The following DLGAP1 variants were observed in gnomAD, a reference collection of about 807,000 sequenced individuals.
DLGAP1 encodes disks large-associated protein 1.
A neutral mutation model predicts 90.8 loss-of-function variants in DLGAP1; 11 were observed. The observed-to-expected ratio is 0.12, with a 90% CI of 0.08 to 0.20. The LOEUF (loss-of-function observed/expected upper bound fraction) is 0.20. Among genes scored for constraint, DLGAP1 ranks in the 10% least tolerant of loss-of-function variants. The pLI is 1.00. For synonymous variants in DLGAP1, 558 were observed against 540.7 expected, an observed-to-expected ratio of 1.03 and a Z score of -0.44; for missense variants, 1,050 against 1,333.8, an observed-to-expected ratio of 0.79 and a Z score of 3.31.
At chr18:3,669,749 A>G (rs1200717501) in intron 7 of DLGAP1, among the ~76,000 whole-genome samples, 1 of 152,156 alleles carries the variant, frequency 6.6e-6, no homozygotes, top group African/African-American at 2.4e-5. Flanking sequence ...CTCATTATCC[A>G]AGCCCCCATG....
chr18:3,926,214 C>T (rs1049927317), intron 3 of DLGAP1, among the ~76,000 whole-genome samples: 4 of 152,132 alleles, frequency 2.6e-5, no homozygotes, highest in Non-Finnish European at 5.9e-5. Context: ...AGAAAATTCT[C>T]AGTTGTGGAG....
chr18:4,236,877 T>C (rs1306765028), intron 1 of DLGAP1, among the ~76,000 whole-genome samples: 1 of 152,208 alleles, frequency 6.6e-6, no homozygotes, highest in Non-Finnish European at 1.5e-5. Context: ...CAAACATTTA[T>C]TGAGCAGTTA....
At chr18:3,920,020 A>G (rs2072231148) in intron 3 of DLGAP1, among the ~76,000 whole-genome samples, 1 of 152,178 alleles carries the variant, frequency 6.6e-6, no homozygotes, top group Admixed American at 6.5e-5. Flanking sequence ...TTTCCACATC[A>G]AACACCTTGA....
chr18:3,977,540 TG>T lies in DLGAP1; in HGVS notation c.-73+27575del, dbSNP rs566952648. The stretch of plus-strand genomic sequence containing the variant: ...CTCTTCAGGGGGTCTGCATGGAAAC[TG>T]TGAGGAGGGGAGAGTCTCAGTGTTG... On this transcript the variant is annotated intron_variant, in intron 3 of 12. Transcript: ENST00000315677. The T allele has an allele frequency of 1.6e-3, 256 of 161,296 alleles. 1 individual carries two copies. In the Middle Eastern group the frequency reaches 0.022, roughly 14 times the overall value. 10.0% of individuals were successfully genotyped at this position (161,296 alleles called of 1,614,324 possible).
chr18:3,644,115 C>A (rs528504492), intron 7 of DLGAP1, among the ~76,000 whole-genome samples: 1 of 152,134 alleles, frequency 6.6e-6, no homozygotes, highest in Non-Finnish European at 1.5e-5. Context: ...CTCTCCCCTG[C>A]GGCAATGACT....
At chr18:3,558,199 C>G (rs1004551502) in intron 9 of DLGAP1, among the ~76,000 whole-genome samples, 5 of 152,088 alleles carry the variant, frequency 3.3e-5, no homozygotes, top group African/African-American at 1.2e-4. Flanking sequence ...TTTCTCCTTG[C>G]AGTTCTATCA....
At chr18:3,513,322 G>A (rs2050651611) in intron 10 of DLGAP1, among the ~76,000 whole-genome samples, 1 of 152,202 alleles carries the variant, frequency 6.6e-6, no homozygotes, top group African/African-American at 2.4e-5. Context: ...AGGTCTCACT[G>A]TGTTGTCCAG....
intron 5 of DLGAP1, among the ~76,000 whole-genome samples, chr18:3,804,850 C>T (rs555071545): frequency 3.3e-5 from 5 of 152,296 alleles, no homozygotes; most frequent in East Asian, 1.9e-4. Context: ...TCTTCCTACA[C>T]GAGGGACAGA....
intron 7 of DLGAP1, among the ~76,000 whole-genome samples, chr18:3,716,337 C>T (rs934341427): frequency 6.6e-6 from 1 of 152,128 alleles, no homozygotes; most frequent in Non-Finnish European, 1.5e-5. Context: ...CTGCTTGAGA[C>T]CAGCCTGGGC....
At chr18:4,356,419 C>T (rs2081516869) in intron 1 of DLGAP1, among the ~76,000 whole-genome samples, 1 of 152,136 alleles carries the variant, frequency 6.6e-6, no homozygotes, top group Non-Finnish European at 1.5e-5. Context: ...CAAAACTGAG[C>T]TCCAGATACC....
intron 1 of DLGAP1, among the ~76,000 whole-genome samples, chr18:4,299,861 A>G (rs1568499473): frequency 6.6e-6 from 1 of 152,204 alleles, no homozygotes; most frequent in Non-Finnish European, 1.5e-5. Flanking sequence ...ATCACAATAA[A>G]AAGTTACACG....
intron 4 of DLGAP1, among the ~76,000 whole-genome samples, chr18:3,875,564 A>G (rs1157392301): frequency 6.6e-6 from 1 of 152,214 alleles, no homozygotes; most frequent in African/African-American, 2.4e-5. Context: ...TTTTGACCCA[A>G]CGTGTTGCCA....
intron 3 of DLGAP1, among the ~76,000 whole-genome samples, chr18:3,955,099 G>C (rs2073059025): frequency 6.6e-6 from 1 of 152,134 alleles, no homozygotes; most frequent in Non-Finnish European, 1.5e-5. Context: ...GAAAAGATTA[G>C]AGAACAGTGC....
chr18:3,530,098 C>CCAGTTGA (rs1462963063), intron 10 of DLGAP1, among the ~76,000 whole-genome samples: 2 of 152,060 alleles, frequency 1.3e-5, no homozygotes. Flanking sequence ...AAGTAGTTTC[C>CCAGTTGA]AAGAGTCCTG....
intron 7 of DLGAP1, among the ~76,000 whole-genome samples, chr18:3,707,231 A>G (rs1420601153): frequency 6.6e-6 from 1 of 152,212 alleles, no homozygotes; most frequent in Non-Finnish European, 1.5e-5. Flanking sequence ...AAAGAAAGGG[A>G]GAAAGACGGT....
chr18:4,184,135 T>G (rs909438774), intron 1 of DLGAP1, among the ~76,000 whole-genome samples: 2 of 152,168 alleles, frequency 1.3e-5, no homozygotes, highest in Non-Finnish European at 2.9e-5. Context: ...TTTTCCTACA[T>G]TGGGTCTAAC....
At chr18:3,917,510 A>G (rs1365136074) in intron 3 of DLGAP1, among the ~76,000 whole-genome samples, 1 of 152,166 alleles carries the variant, frequency 6.6e-6, no homozygotes, top group Non-Finnish European at 1.5e-5. Flanking sequence ...ATATTACTGT[A>G]TATGTTATAT....
chr18:4,400,499 T>C (rs1324321050), intron 1 of DLGAP1, among the ~76,000 whole-genome samples: 1 of 152,194 alleles, frequency 6.6e-6, no homozygotes, highest in Admixed American at 6.5e-5. Context: ...AGGTTGGCTC[T>C]TTCCTGTGTC....
chr18:3,912,585 T>C (rs183609517), intron 3 of DLGAP1, among the ~76,000 whole-genome samples: 150 of 152,282 alleles, frequency 9.9e-4, no homozygotes, highest in South Asian at 1.4e-3. Flanking sequence ...AATAAACATA[T>C]ATTTAAATAT....
Sources: allele counts gnomAD v4.1 joint callset (sites outside exome capture counted in the v4.1 genomes callset), GRCh38; gene constraint gnomAD v4.1.1; transcripts MANE v1.5; gene names NCBI Gene and HGNC (gene_info 2026-07-23, HGNC 2026-07-21).